Variants in PCDH1 observed in about 807,000 individuals in gnomAD.
PCDH1 encodes protocadherin 1, also known as protocadherin-1.
Under a neutral mutation model 74.6 loss-of-function variants are expected in PCDH1, and 23 were observed. The ratio of observed to expected loss-of-function variants is 0.31; its 90% CI spans 0.22 to 0.44. PCDH1 has a LOEUF of 0.44. PCDH1 is among the 20% of genes least tolerant of loss of function. PCDH1 has a pLI of 1.00. For synonymous variants in PCDH1, 647 were observed against 686.1 expected, an observed-to-expected ratio of 0.94 and a Z score of 0.89; for missense variants, 1,214 against 1,641.4, an observed-to-expected ratio of 0.74 and a Z score of 4.50.
At chr5:141,870,955 C>T (rs192788936) in intron 1 of PCDH1, among the ~76,000 whole-genome samples, 1 of 152,288 alleles carries the variant, frequency 6.6e-6, no homozygotes, top group East Asian at 1.9e-4. Flanking sequence ...GGCTCTGGCC[C>T]TCCAGGAAAC....
rs531558634 is a variant in PCDH1, at chr5:141,874,976, C to A, written c.40+3247G>T. ...TTAGCCTCTGCAGGGCTTCTGGGCA[C>A]CTGCATGTCAGATCGTTGGGGTTAG... On this transcript the variant is annotated intron_variant, in intron 1 of 4. Transcript: ENST00000287008. 2.2e-4 allele frequency among the ~76,000 whole-genome samples: 34 copies of A among 152,212 alleles called. No individual in the cohort carries two copies. In the South Asian group the frequency reaches 4.6e-3, roughly 20 times the overall value.
Position 141,868,476 on chromosome 5 carries a change from T to C in PCDH1, c.903+93A>G. 1 of 1,499,242 alleles carries C rather than the reference T, an allele frequency of 6.7e-7. No individual in the cohort carries two copies. The highest frequency in any genetic ancestry group is 8.9e-7 in the Non-Finnish European group (1 of 1,127,164). The allele number at this position is 1,499,242 out of a possible 1,614,324, so 92.9% of individuals were successfully genotyped here. On this transcript the variant is annotated intron_variant, in intron 2 of 4. Transcript: ENST00000287008. The surrounding 1 kb of genome is among the most constrained non-coding windows in gnomAD (Gnocchi z 4.8). ...TCTCACTACAGTATTCTGGCAGTTT[T>C]TCCCCTAAGTGAAGGGAACTCTCAC... is the stretch of plus-strand genomic sequence containing the variant.
rs140077127 is a variant in PCDH1 at position 141,857,445 on chromosome 5, C to A, written c.3126G>T (p.Ser1042=). The change falls in exon 4 of 5, where the codon TCG becomes TCT. Residue 1042 remains serine (S), a synonymous_variant. Transcript: ENST00000287008. ...GCAGCTCCTGGGCCTGGCTGGTGGC[C>A]GAGAAGGTGACGCGGCGGTGAGGTA... ...KQLPHRRVTF[S]ATSQAQELQD... is the part of the protein sequence containing the mutation. The A allele has an allele frequency of 1.2e-6, 2 of 1,613,560 alleles. No homozygotes were observed. Among genetic ancestry groups the A allele is most frequent in the Non-Finnish European group, 8.5e-7 (1 of 1,179,814 alleles).
In PCDH1 at chr5:141,874,305, G is replaced by T. The variant is rs147177980; in HGVS notation, c.40+3918C>A. Among the ~76,000 whole-genome samples, 833 of 152,296 alleles carry T rather than the reference G, an allele frequency of 5.5e-3. 10 individuals are homozygous for T. Among genetic ancestry groups the T allele is most frequent in the African/African-American group, 0.019 (772 of 41,572 alleles). ...CCTCACCCGTGTTCCCACCATCTCT[G>T]AACTTTGTCCCCAGCAGTTGGGCAC... On this transcript the variant is annotated intron_variant, in intron 1 of 4. Transcript: ENST00000287008.
At chr5:141,866,141 A>G in intron 2 of PCDH1, 1 of 985,486 alleles carries the variant, frequency 1.0e-6, no homozygotes, top group Non-Finnish European at 1.2e-6. Context: ...TGGGTCAGAG[A>G]AGCCCTCCAG....
chr5:141,872,559 C>A (rs1262552165), intron 1 of PCDH1, among the ~76,000 whole-genome samples: 1 of 152,176 alleles, frequency 6.6e-6, no homozygotes, highest in Non-Finnish European at 1.5e-5. Context: ...GCAGTCAGGG[C>A]GAATGATGTG....
chr5:141,854,662 TTTTTTCTTTTTC>T (rs1354345569), intron 4 of PCDH1, among the ~76,000 whole-genome samples: 1 of 152,050 alleles, frequency 6.6e-6, no homozygotes, highest in African/African-American at 2.4e-5. Context: ...ATAATCTATC[TTTTTTCTTTTTC>T]TTTTTCTTTG....
rs949809851 is a variant in PCDH1, at chr5:141,865,775, G to C, written c.904-348C>G. Among the ~76,000 whole-genome samples the C allele has an allele frequency of 6.6e-6, 1 of 152,200 alleles. No homozygotes were observed. The highest frequency in any genetic ancestry group is 2.4e-5 in the African/African-American group (1 of 41,448). On this transcript the variant is annotated intron_variant, in intron 2 of 4. Coordinates refer to ENST00000287008, the MANE Select transcript of PCDH1 (RefSeq NM_032420.5). The surrounding 1 kb of genome is among the most constrained non-coding windows in gnomAD (Gnocchi z 4.4). ...AGAGGATGAGGATCCAATAGAACTA[G>C]GGAAGCCATTTCACCAATGAACCCT...
rs559781829 is a variant in PCDH1 at position 141,877,157 on chromosome 5, G to A, written c.40+1066C>T. On this transcript the variant is annotated intron_variant, in intron 1 of 4. Transcript: ENST00000287008. ...ATCTGGACTCCGAGAGAGAGGAACG[G>A]AGTGTGTGTGTTTGTGTGTATGCGC... Among the ~76,000 whole-genome samples, 5 of 152,376 alleles carry A rather than the reference G, an allele frequency of 3.3e-5. No homozygotes were observed. In the East Asian group the frequency reaches 7.7e-4, roughly 24 times the overall value.
intron 4 of PCDH1, chr5:141,856,158 G>T: frequency 7.0e-7 from 1 of 1,437,364 alleles, no homozygotes; most frequent in Non-Finnish European, 9.5e-7. Flanking sequence ...ATGGGCACTG[G>T]GTGGGTGAGG....
At chr5:141,877,042 C>T (rs1382725965) in intron 1 of PCDH1, among the ~76,000 whole-genome samples, 1 of 152,214 alleles carries the variant, frequency 6.6e-6, no homozygotes, top group Non-Finnish European at 1.5e-5. Flanking sequence ...AGCCTTCCCG[C>T]TGTGCCGATA....
Position 141,869,259 on chromosome 5 carries a change from G to T in PCDH1, c.213C>A (p.Asn71Lys). Residue 71 changes from asparagine to lysine, a missense_variant, in exon 2 of 5, where the codon AAC becomes AAA. Around this residue, in one of 4 missense-constraint regions of PCDH1, gnomAD observed 97 missense variants for 173.2 expected, o/e 0.56. Transcript: ENST00000287008. The surrounding 1 kb of genome is among the most constrained non-coding windows in gnomAD (Gnocchi z 4.9). ...CGGCTGCGAGGCTCCCAATGAGGGT[G>T]TTGGGTGGCTGTTCCTCCGGCACCT... Reference protein sequence around the residue: ...VYKVPEEQPPNTLIGSLAADY... With the variant: ...VYKVPEEQPPKTLIGSLAADY... 1.9e-6 allele frequency: 3 copies of T among 1,612,428 alleles called. No homozygotes were observed. The highest frequency in any genetic ancestry group is 2.5e-6 in the Non-Finnish European group (3 of 1,179,362).
At chr5:141,876,424 A>C (rs572150144) in intron 1 of PCDH1, among the ~76,000 whole-genome samples, 35 of 152,316 alleles carry the variant, frequency 2.3e-4, no homozygotes, top group African/African-American at 8.2e-4. Flanking sequence ...CGGCGCCGGA[A>C]TCACAAAGCC....
At position 141,864,356 on chromosome 5, in the gene PCDH1, C is replaced by T. The variant is rs777731416; in HGVS notation, c.1975G>A (p.Val659Ile). 17 of 1,613,938 alleles carry T rather than the reference C, an allele frequency of 1.1e-5. No homozygotes were observed. Among genetic ancestry groups the T allele is most frequent in the African/African-American group, 1.3e-5 (1 of 74,904 alleles). ...LSVEQDNGDF[V>I]IQNGTGTILS... The stretch of plus-strand genomic sequence containing the variant: ...ATGGTGCCTGTGCCATTCTGGATAA[C>T]AAAGTCACCGTTGTCCTGCTCCACT... Residue 659 changes from valine to isoleucine, a missense_variant, in exon 3 of 5, where the codon GTT becomes ATT. Val to Ile is a conservative substitution (Grantham distance 29, BLOSUM62 3). Around this residue, in one of 4 missense-constraint regions of PCDH1, gnomAD observed 836 missense variants for 1,182.2 expected, o/e 0.71. Coordinates refer to ENST00000287008, the MANE Select transcript of PCDH1 (RefSeq NM_032420.5). This position sits in a 1 kb window ranked among gnomAD's most constrained non-coding sequence, Gnocchi z 5.9.
intron 2 of PCDH1, chr5:141,866,234 A>C: frequency 2.0e-6 from 2 of 985,506 alleles, no homozygotes; most frequent in Non-Finnish European, 2.4e-6. Flanking sequence ...CCGGCTGGCG[A>C]GGCACCAATG....
rs3797054 is a variant in PCDH1, at chr5:141,864,081, A to G, written c.2250T>C (p.Ala750=). 575,043 of 1,612,390 alleles carry G rather than the reference A, an allele frequency of 0.36. 106,263 individuals carry two copies. The highest frequency in any genetic ancestry group is 0.56 in the East Asian group (24,992 of 44,798). ...CACCTGCAATGCTGTAGATCAGCTC[A>G]GCATTGACACCAGAGTCAAAGTCCT... ...AAEDFDSGVN[A]ELIYSIAGGN... is the part of the protein sequence containing the mutation. The change falls in exon 3 of 5, where the codon GCT becomes GCC. Residue 750 remains alanine, a synonymous_variant. Transcript: ENST00000287008. The surrounding 1 kb of genome is among the most constrained non-coding windows in gnomAD (Gnocchi z 5.9).
chr5:141,870,474 G>A (rs1753065363), intron 1 of PCDH1, among the ~76,000 whole-genome samples: 1 of 152,152 alleles, frequency 6.6e-6, no homozygotes, highest in Non-Finnish European at 1.5e-5. Context: ...AGGGAGCCCA[G>A]CAGGTCTAAC....
Position 141,864,951 on chromosome 5 carries a change from A to G in PCDH1, c.1380T>C (p.Thr460=). ...CCTTCTCGTAGTCTAGCGGGGTGGT[A>G]GTCTGCAGGAAATACTTCTTCTTGC... ...SDSKKKYFLQ[T]TTPLDYEKVK... Residue 460 remains threonine (T), a synonymous_variant, in exon 3 of 5, where the codon ACT becomes ACC. Transcript: ENST00000287008. The surrounding 1 kb of genome is among the most constrained non-coding windows in gnomAD (Gnocchi z 5.9). 1 of 1,614,100 alleles carries G rather than the reference A, an allele frequency of 6.2e-7. No individual in the cohort carries two copies. Among genetic ancestry groups the G allele is most frequent in the Non-Finnish European group, 8.5e-7 (1 of 1,180,030 alleles).
chr5:141,878,350 C>T lies in PCDH1; in HGVS notation c.-88G>A. ...GGGCTCCGGCTCCGGCTCCGGCTGG[C>T]TCTGGGCGCAGCAGCCCGGCGGCTT... is the stretch of plus-strand genomic sequence containing the variant. On this transcript the variant is annotated 5_prime_UTR_variant, in exon 1 of 5. Transcript: ENST00000287008. The surrounding 1 kb of genome is among the most constrained non-coding windows in gnomAD (Gnocchi z 5.5). 2.9e-6 allele frequency: 3 copies of T among 1,031,266 alleles called. No homozygotes were observed. The highest frequency in any genetic ancestry group is 3.6e-6 in the Non-Finnish European group (3 of 822,140). 63.9% of individuals were successfully genotyped at this position (1,031,266 alleles called of 1,614,324 possible).
Sources: gnomAD v4.1 joint callset for allele counts (sites outside exome capture counted in the v4.1 genomes callset) on GRCh38, gnomAD v4.1.1 for gene constraint, gnomAD v4.1.1 regional missense constraint, Gnocchi (gnomAD v3.1) non-coding constraint, MANE v1.5 for transcripts, NCBI Gene and HGNC (gene_info 2026-07-23, HGNC 2026-07-21) for gene names.